The following PTPRD variants were observed in gnomAD, a reference collection of about 807,000 sequenced individuals.
PTPRD encodes protein tyrosine phosphatase receptor type D.
PTPRD carries 34 observed loss-of-function variants against 214.5 expected under a neutral mutation model. The ratio of observed to expected loss-of-function variants is 0.16; its 90% confidence interval spans 0.12 to 0.21. The LOEUF (loss-of-function observed/expected upper bound fraction) is 0.21. PTPRD is among the 10% of genes least tolerant of loss of function. The pLI, the probability that PTPRD is intolerant of heterozygous loss-of-function variation, is 1.00. For synonymous variants in PTPRD, 1,128 were observed against 845.7 expected, an observed-to-expected ratio of 1.33 and a Z score of -5.79; for missense variants, 2,545 against 2,398.7, an observed-to-expected ratio of 1.06 and a Z score of -1.27.
intron 2 of PTPRD, among the ~76,000 whole-genome samples, chr9:10,537,634 A>T (rs780567140): frequency 3.3e-5 from 5 of 151,982 alleles, no homozygotes; most frequent in South Asian, 2.1e-4. Flanking sequence ...TCTTTACATG[A>T]TTTCCTCCAA....
intron 3 of PTPRD, among the ~76,000 whole-genome samples, chr9:10,134,392 C>T (rs553984554): frequency 3.3e-5 from 5 of 152,218 alleles, no homozygotes; most frequent in Admixed American, 1.3e-4. Flanking sequence ...CATCTATCCC[C>T]GGCTGACCAC....
chr9:8,519,421 G>A (rs72694771), intron 20 of PTPRD, among the ~76,000 whole-genome samples: 314 of 152,208 alleles, frequency 2.1e-3, no homozygotes, highest in Non-Finnish European at 3.8e-3. Flanking sequence ...ATTCTGAAAC[G>A]CAGTGCTATT....
At chr9:10,531,811 G>C (rs561718801) in intron 2 of PTPRD, among the ~76,000 whole-genome samples, 7 of 152,076 alleles carry the variant, frequency 4.6e-5, no homozygotes, top group African/African-American at 1.7e-4. Context: ...ATTTTCTGAT[G>C]TATCAATGGT....
At chr9:8,554,410 G>C (rs909238085) in intron 14 of PTPRD, among the ~76,000 whole-genome samples, 3 of 152,082 alleles carry the variant, frequency 2.0e-5, no homozygotes, top group Admixed American at 6.5e-5. Context: ...AAAAAGTAGG[G>C]AAAAAGTCCT....
At chr9:9,838,662 T>C (rs1045546811) in intron 5 of PTPRD, among the ~76,000 whole-genome samples, 1 of 152,142 alleles carries the variant, frequency 6.6e-6, no homozygotes, top group Admixed American at 6.6e-5. Flanking sequence ...ATTCTGGATA[T>C]TAGCCCTTTG....
chr9:9,678,552 CAA>C (rs2096987075), intron 7 of PTPRD, among the ~76,000 whole-genome samples: 1 of 151,776 alleles, frequency 6.6e-6, no homozygotes, highest in Admixed American at 6.6e-5. Context: ...TTAGATACCT[CAA>C]AGATATTTAA....
intron 14 of PTPRD, among the ~76,000 whole-genome samples, chr9:8,542,610 T>G (rs1374615098): frequency 6.6e-6 from 1 of 152,252 alleles, no homozygotes; most frequent in Non-Finnish European, 1.5e-5. Context: ...TATGCCTCTA[T>G]GAAGGACTCT....
chr9:9,761,338 A>G (rs916388675), intron 6 of PTPRD, among the ~76,000 whole-genome samples: 6 of 152,212 alleles, frequency 3.9e-5, no homozygotes, highest in African/African-American at 1.4e-4. Flanking sequence ...AACATTTTAG[A>G]AATGGAAGAC....
intron 11 of PTPRD, among the ~76,000 whole-genome samples, chr9:8,827,414 C>G (rs1601106606): frequency 6.6e-6 from 1 of 152,136 alleles, no homozygotes; most frequent in South Asian, 2.1e-4. Context: ...CAAAACCAGC[C>G]TGGGCAACAT....
chr9:10,457,414 T>G (rs188190274), intron 2 of PTPRD, among the ~76,000 whole-genome samples: 2 of 152,176 alleles, frequency 1.3e-5, no homozygotes, highest in Admixed American at 1.3e-4. Context: ...TTAGTCATCA[T>G]ATAGTCTATA....
At chr9:10,183,138 T>C (rs898530179) in intron 3 of PTPRD, among the ~76,000 whole-genome samples, 7 of 152,126 alleles carry the variant, frequency 4.6e-5, no homozygotes, top group South Asian at 4.1e-4. Flanking sequence ...TCCTAGCACA[T>C]AGTAAAGTGT....
intron 11 of PTPRD, among the ~76,000 whole-genome samples, chr9:8,964,031 C>T (rs2099173020): frequency 6.6e-6 from 1 of 151,704 alleles, no homozygotes; most frequent in African/African-American, 2.4e-5. Flanking sequence ...GTTTCTTTGC[C>T]AGGTTTTCAT....
intron 7 of PTPRD, among the ~76,000 whole-genome samples, chr9:9,619,456 A>G (rs1353057959): frequency 6.7e-6 from 1 of 148,760 alleles, no homozygotes; most frequent in Non-Finnish European, 1.5e-5. Context: ...AAGCATGTCT[A>G]TGTGTGGGTA....
At position 8,948,707 on chromosome 9, in the gene PTPRD, A is replaced by T. The variant is rs188163147; in HGVS notation, c.-104+69990T>A. 6.4e-3 allele frequency among the ~76,000 whole-genome samples: 946 copies of T among 148,364 alleles called. 7 individuals carry two copies. The highest frequency in any genetic ancestry group is 0.01 in the Middle Eastern group (3 of 290). On this transcript the variant is annotated intron_variant, in intron 11 of 45. Transcript: ENST00000381196. Reference sequence around the variant, plus strand: ...ATAAAATATGATATCTTTTAATAATAGGACACGTAATTTTTTTATCCGTCA... The same window carrying T: ...ATAAAATATGATATCTTTTAATAATTGGACACGTAATTTTTTTATCCGTCA...
intron 5 of PTPRD, among the ~76,000 whole-genome samples, chr9:9,789,093 T>C (rs941293529): frequency 2.0e-5 from 3 of 152,242 alleles, no homozygotes; most frequent in African/African-American, 7.2e-5. Flanking sequence ...GGAGGGATCT[T>C]ATAACATTTT....
intron 11 of PTPRD, among the ~76,000 whole-genome samples, chr9:8,933,340 G>GTTTTGT (rs2098966631): frequency 7.5e-5 from 6 of 80,430 alleles, no homozygotes; most frequent in African/African-American, 2.5e-4. Flanking sequence ...CAACCTTGAG[G>GTTTTGT]TTTTTTTTTT....
Position 10,470,484 on chromosome 9 carries a change from A to G in PTPRD, c.-599-129467T>C, listed in dbSNP as rs1349961341. On this transcript the variant is annotated intron_variant, in intron 2 of 45. Coordinates refer to ENST00000381196, the MANE Select transcript of PTPRD (RefSeq NM_002839.4). ...TATAAATACATAAAATTATGTTTCA[A>G]TGTATATTATGTAATGAAAGTATGA... 3.9e-4 allele frequency among the ~76,000 whole-genome samples: 59 copies of G among 152,158 alleles called. 1 individual carries two copies. Among genetic ancestry groups the G allele is most frequent in the Admixed American group, 3.9e-3 (59 of 15,260 alleles).
At chr9:10,194,337 TATATATATAGAGAGAGAGAGAGAGAG>T (rs1270066195) in intron 3 of PTPRD, among the ~76,000 whole-genome samples, 2,005 of 70,194 alleles carry the variant, frequency 0.029, 21 homozygotes, top group Admixed American at 0.047. Flanking sequence ...TATATATATA[TATATATATAGAGAGAGAGAGAGAGAG>T]AGAGAGAGAG....
chr9:9,977,494 A>G (rs1392899565), intron 4 of PTPRD, among the ~76,000 whole-genome samples: 1 of 152,196 alleles, frequency 6.6e-6, no homozygotes, highest in Non-Finnish European at 1.5e-5. Context: ...TAAACATATT[A>G]TCATAAGTAG....
Sources: allele counts gnomAD v4.1 joint callset (sites outside exome capture counted in the v4.1 genomes callset), GRCh38; gene constraint gnomAD v4.1.1; transcripts MANE v1.5; gene names NCBI Gene and HGNC (gene_info 2026-07-23, HGNC 2026-07-21).